Variants in ANKHD1 observed in about 807,000 individuals in gnomAD.
ANKHD1 encodes ankyrin repeat and KH domain-containing protein 1.
ANKHD1 carries 31 observed loss-of-function variants against 230.5 expected under a neutral mutation model. The observed-to-expected ratio is 0.13, with a 90% CI of 0.10 to 0.18. The LOEUF (loss-of-function observed/expected upper bound fraction) is 0.18. Among genes scored for constraint, ANKHD1 ranks in the 10% least tolerant of loss-of-function variants. The pLI is 1.00. For synonymous variants in ANKHD1, 1,074 were observed against 1,117.6 expected (o/e 0.96, Z 0.78); for missense variants, 2,256 against 3,071.3 (o/e 0.73, Z 6.27).
chr5:140,451,592 C>T (rs1399540852), intron 7 of ANKHD1, among the ~76,000 whole-genome samples: 1 of 152,160 alleles, frequency 6.6e-6, no homozygotes, highest in African/African-American at 2.4e-5. Context: ...ACTGCAACCT[C>T]TGCCTCCTAT....
In ANKHD1 at chr5:140,482,674, A is replaced by C. The variant is rs1176231639; in HGVS notation, c.1870+7A>C. On this transcript the variant is annotated splice_region_variant and intron_variant, in intron 11 of 33. Transcript: ENST00000360839. ...CAGTTTCTTATTAGCAAAGGTAAAG[A>C]AAGGGCAAGTGATCATTTCCAAGAG... 6.2e-7 allele frequency: 1 copy of C among 1,610,792 alleles called. No individual in the cohort carries two copies. The highest frequency in any genetic ancestry group is 8.5e-7 in the Non-Finnish European group (1 of 1,179,094).
intron 1 of ANKHD1, among the ~76,000 whole-genome samples, chr5:140,427,778 T>TC (rs1356119284): frequency 9.1e-6 from 1 of 109,970 alleles, no homozygotes; most frequent in Admixed American, 8.8e-5. Context: ...GGGGGGCTGA[T>TC]CCCCCCACCT....
At chr5:140,535,624 T>G in intron 30 of ANKHD1, 86 bp downstream of exon 30, 3 of 1,441,984 alleles carry the variant, frequency 2.1e-6, no homozygotes, top group Non-Finnish European at 2.7e-6. Context: ...TGTTGTAACT[T>G]TAGTAAACTA....
At position 140,458,810 on chromosome 5, in the gene ANKHD1, G is replaced by C; in HGVS notation, c.1428G>C (p.Met476Ile). Residue 476 changes from methionine to isoleucine, a missense_variant, in exon 8 of 34, where the codon ATG (methionine) becomes ATC (isoleucine). This residue lies in a region of ANKHD1 where 179 missense variants were observed against 261.8 expected (regional missense o/e 0.68). Coordinates refer to ENST00000360839, the MANE Select transcript of ANKHD1 (RefSeq NM_017747.3). ...ATGATGAAGGATACACTCCCTTGAT[G>C]GAAGCTGCCCGGGAAGGACATGAAG... ...EVNDEGYTPL[M>I]EAAREGHEEM... is the part of the protein sequence containing the mutation. 1 of 1,613,008 alleles carries C rather than the reference G, an allele frequency of 6.2e-7. No individual in the cohort carries two copies.
chr5:140,489,475 C>G (rs914393534), intron 14 of ANKHD1, among the ~76,000 whole-genome samples: 20 of 151,790 alleles, frequency 1.3e-4, no homozygotes, highest in African/African-American at 4.8e-4. Context: ...GGGCGACAGC[C>G]TCAAAATATA....
Position 140,537,417 on chromosome 5 carries a change from A to G in ANKHD1, c.7056A>G (p.Gln2352=). 1 of 1,614,172 alleles carries G rather than the reference A, an allele frequency of 6.2e-7. No homozygotes were observed. The highest frequency in any genetic ancestry group is 2.2e-5 in the East Asian group (1 of 44,888). Residue 2352 remains glutamine (Q), a synonymous_variant, in exon 31 of 34, where the codon CAA becomes CAG. Transcript: ENST00000360839. ...CTTCTGCCCCACCAACGTTGGGCCA[A>G]CCAAAAGGAGTCAGTGCCAGTCAAG... ...SSTSAPPTLG[Q]PKGVSASQDR...
chr5:140,510,156 C>T lies in ANKHD1; in HGVS notation c.4079C>T (p.Thr1360Ile). 2 of 1,612,468 alleles carry T rather than the reference C, an allele frequency of 1.2e-6. No individual in the cohort carries two copies. The highest frequency in any genetic ancestry group is 1.7e-6 in the Non-Finnish European group (2 of 1,179,026). ...GATGCAGCAGATAACCGGAAAATCA[C>T]ACCTCTTATGTCAGCATTTCGCAAG... is the stretch of plus-strand genomic sequence containing the variant. ...DVDAADNRKI[T>I]PLMSAFRKGH... Residue 1360 changes from threonine (T) to isoleucine (I), a missense_variant, in exon 22 of 34, where the codon ACA becomes ATA. Transcript: ENST00000360839.
chr5:140,437,574 C>T (rs1478813146), intron 2 of ANKHD1, among the ~76,000 whole-genome samples: 2 of 152,100 alleles, frequency 1.3e-5, no homozygotes, highest in African/African-American at 4.8e-5. Flanking sequence ...GGCGTGGCGG[C>T]GCACCCCTGT....
chr5:140,475,446 C>T (rs1750908022), intron 10 of ANKHD1, among the ~76,000 whole-genome samples: 1 of 152,098 alleles, frequency 6.6e-6, no homozygotes, highest in Non-Finnish European at 1.5e-5. Flanking sequence ...CATCTTATTG[C>T]CCTACCTGTG....
rs1035892616 is a variant in ANKHD1 at position 140,513,258 on chromosome 5, C to CT, written c.4201-101dup. ...AGGATAACTTAATTTGGTTTAGTGACTTTTCAGTTTGAACTTTAACCTCTG... is the reference window on the plus strand; with the variant it reads ...AGGATAACTTAATTTGGTTTAGTGACTTTTTCAGTTTGAACTTTAACCTCTG... On this transcript the variant is annotated intron_variant, in intron 23 of 33. Coordinates refer to ENST00000360839, the MANE Select transcript of ANKHD1 (RefSeq NM_017747.3). 2.6e-6 allele frequency: 3 copies of CT among 1,174,270 alleles called. No homozygotes were observed. In the African/African-American group the frequency reaches 4.7e-5, roughly 18 times the overall value. 72.7% of individuals were successfully genotyped at this position (1,174,270 alleles called of 1,614,324 possible). A position where few individuals can be genotyped will look rare whatever the true frequency, so the allele number is the denominator to read the frequency against.
At chr5:140,472,330 G>GT (rs1333553568) in intron 10 of ANKHD1, 1 of 1,610,962 alleles carries the variant, frequency 6.2e-7, no homozygotes, top group East Asian at 2.2e-5. Context: ...AAGCTACTAC[G>GT]TAAAGAATAG....
intron 9 of ANKHD1, among the ~76,000 whole-genome samples, chr5:140,460,377 AAAGTT>A (rs1480338662): frequency 1.3e-5 from 2 of 152,172 alleles, no homozygotes; most frequent in African/African-American, 4.8e-5. Flanking sequence ...GATATATAGA[AAAGTT>A]AATATGTAAA....
rs148885657 is a variant in ANKHD1, at chr5:140,514,395, G to C, written c.4317+916G>C. ...TGTAGTCCCAGCAACTTGGGAGGGT[G>C]AGGTGGGAGGATGGCCTGAGCCCAG... is the stretch of plus-strand genomic sequence containing the variant. On this transcript the variant is annotated intron_variant, in intron 24 of 33. Coordinates refer to ENST00000360839, the MANE Select transcript of ANKHD1 (RefSeq NM_017747.3). 3.8e-3 allele frequency among the ~76,000 whole-genome samples: 566 copies of C among 149,928 alleles called. 6 individuals are homozygous for C. Among genetic ancestry groups the C allele is most frequent in the African/African-American group, 0.014 (552 of 40,820 alleles).
At chr5:140,471,563 A>G (rs1261297364) in intron 10 of ANKHD1, among the ~76,000 whole-genome samples, 2 of 152,212 alleles carry the variant, frequency 1.3e-5, no homozygotes. Flanking sequence ...AGCACATCAC[A>G]TAGGTAGGAA....
chr5:140,454,629 A>G (rs1412571895), intron 7 of ANKHD1, among the ~76,000 whole-genome samples: 3 of 152,240 alleles, frequency 2.0e-5, no homozygotes, highest in Non-Finnish European at 4.4e-5. Flanking sequence ...ACATAACGAA[A>G]TGAAGGCAGA....
At chr5:140,419,778 CTTTCTTTCTT>C (rs1307119157) in intron 1 of ANKHD1, among the ~76,000 whole-genome samples, 5 of 13,680 alleles carry the variant, frequency 3.7e-4, no homozygotes, top group Non-Finnish European at 4.8e-4. Context: ...CTTTCTTTTT[CTTTCTTTCTT>C]TCTTTCTTTC....
intron 6 of ANKHD1, among the ~76,000 whole-genome samples, chr5:140,447,706 C>G (rs1025925441): frequency 2.0e-5 from 3 of 152,186 alleles, no homozygotes; most frequent in South Asian, 4.1e-4. Flanking sequence ...TTCTGCTCTG[C>G]TATCCTAGTA....
chr5:140,470,918 T>C (rs530925932), intron 10 of ANKHD1, among the ~76,000 whole-genome samples: 111 of 152,268 alleles, frequency 7.3e-4, no homozygotes, highest in African/African-American at 2.6e-3. Context: ...TGAGCCACCA[T>C]GACTGGCCTG....
chr5:140,512,087 T>C (rs1487378630), intron 22 of ANKHD1, among the ~76,000 whole-genome samples: 1 of 151,888 alleles, frequency 6.6e-6, no homozygotes, highest in Non-Finnish European at 1.5e-5. Context: ...AATACAAAAA[T>C]TAGCCAGGCG....
Sources: allele counts gnomAD v4.1 joint callset (sites outside exome capture counted in the v4.1 genomes callset), GRCh38; gene constraint gnomAD v4.1.1; regional missense constraint gnomAD v4.1.1; transcripts MANE v1.5; gene names NCBI Gene and HGNC (gene_info 2026-07-23, HGNC 2026-07-21).